Variants in ALDH6A1 observed in about 807,000 individuals in gnomAD.
The protein encoded by ALDH6A1 is aldehyde dehydrogenase 6 family member A1.
A neutral mutation model predicts 62.6 loss-of-function variants in ALDH6A1; 43 were observed. The ratio of observed to expected loss-of-function variants is 0.69; its 90% CI spans 0.54 to 0.89. The LOEUF (loss-of-function observed/expected upper bound fraction) is 0.89. Among genes scored for constraint, ALDH6A1 ranks in the 40% least tolerant of loss-of-function variants. The pLI is 0.00. For synonymous variants in ALDH6A1, 194 were observed against 234.2 expected, an observed-to-expected ratio of 0.83 and a Z score of 1.57; for missense variants, 551 against 661.3, an observed-to-expected ratio of 0.83 and a Z score of 1.83.
Position 74,058,030 on chromosome 14 carries a change from T to A in ALDH6A1, c.*2612A>T. The A allele has an allele frequency of 3.7e-6, 2 of 544,736 alleles. No individual in the cohort carries two copies. Among genetic ancestry groups the A allele is most frequent in the Non-Finnish European group, 4.7e-6 (2 of 426,650 alleles). 33.7% of individuals were successfully genotyped at this position (544,736 alleles called of 1,614,324 possible). ...CCAGCCTATAGTTGTTGGATTGGAT[T>A]AAATATCACTACCAGGGCCAGGTGC... On this transcript the variant is annotated 3_prime_UTR_variant, in exon 12 of 12. Coordinates refer to ENST00000553458, the MANE Select transcript of ALDH6A1 (RefSeq NM_005589.4).
At chr14:74,069,697 G>A (rs555454939) in intron 6 of ALDH6A1, among the ~76,000 whole-genome samples, 4 of 152,066 alleles carry the variant, frequency 2.6e-5, no homozygotes, top group African/African-American at 4.8e-5. Context: ...AGGTTGCAGC[G>A]AGCCGAGATT....
intron 2 of ALDH6A1, among the ~76,000 whole-genome samples, chr14:74,073,006 GC>G (rs1433299560): frequency 6.6e-6 from 1 of 152,186 alleles, no homozygotes; most frequent in Non-Finnish European, 1.5e-5. Flanking sequence ...CACCATGTCG[GC>G]CAGACTGATC....
intron 6 of ALDH6A1, 168 bp downstream of exon 6, chr14:74,071,027 T>C (rs969426917): frequency 1.4e-6 from 1 of 713,222 alleles, no homozygotes; most frequent in African/African-American, 1.7e-5. Context: ...CCCAATCAGT[T>C]ACCTTGGCGC....
chr14:74,074,939 T>A lies in ALDH6A1; in HGVS notation c.111+16A>T, dbSNP rs2060595728. ...ATTCCTTCTCAGAAGTCAACCTCTATGCCAAATAAACTCACCACTGAAGAA... is the reference window on the plus strand; with the variant it reads ...ATTCCTTCTCAGAAGTCAACCTCTAAGCCAAATAAACTCACCACTGAAGAA... On this transcript the variant is annotated intron_variant, in intron 2 of 11. Transcript: ENST00000553458. The A allele has an allele frequency of 1.9e-6, 3 of 1,613,040 alleles. No individual in the cohort carries two copies. The highest frequency in any genetic ancestry group is 2.7e-5 in the African/African-American group (2 of 74,884).
At chr14:74,077,615 C>T (rs1399713458) in intron 1 of ALDH6A1, among the ~76,000 whole-genome samples, 1 of 152,114 alleles carries the variant, frequency 6.6e-6, no homozygotes, top group Non-Finnish European at 1.5e-5. Context: ...GGGAACTAAT[C>T]CAGTCTCAAA....
Position 74,072,618 on chromosome 14 carries a change from AAAAC to A in ALDH6A1, c.112-11_112-8del, listed in dbSNP as rs370924173. 23,714 of 1,606,608 alleles carry A rather than the reference AAAAC, an allele frequency of 0.015. 767 individuals carry two copies. Among genetic ancestry groups the A allele is most frequent in the African/African-American group, 0.13 (9,385 of 74,748 alleles). On this transcript the variant is annotated splice_polypyrimidine_tract_variant and splice_region_variant and intron_variant, in intron 2 of 11. Transcript: ENST00000553458. Reference sequence around the variant, plus strand: ...TGAAGAGCTTTACAGTTGGCTGAAAAAAACAAACAAACAAACAAACAAACAAAAA... The same window carrying A: ...TGAAGAGCTTTACAGTTGGCTGAAAAAAACAAACAAACAAACAAACAAAAA...
In ALDH6A1 at chr14:74,074,143, C is replaced by G. The variant is rs532199116; in HGVS notation, c.111+812G>C. On this transcript the variant is annotated intron_variant, in intron 2 of 11. Coordinates refer to ENST00000553458, the MANE Select transcript of ALDH6A1 (RefSeq NM_005589.4). ...GGGACCATAGGTACGCACCACCACG[C>G]CTGGCTAATTTTTTGTAGAGATGGG... Among the ~76,000 whole-genome samples, 3 of 151,678 alleles carry G rather than the reference C, an allele frequency of 2.0e-5. No individual in the cohort carries two copies. In the East Asian group the frequency reaches 5.9e-4, roughly 30 times the overall value.
At chr14:74,063,450 G>A (rs1595110143) in intron 11 of ALDH6A1, among the ~76,000 whole-genome samples, 1 of 152,040 alleles carries the variant, frequency 6.6e-6, no homozygotes. Context: ...CTCCCAAAGT[G>A]CTGGGATTAC....
rs1264600184 is a variant in ALDH6A1 at position 74,084,417 on chromosome 14, G to A, written c.-23C>T. 1.9e-6 allele frequency: 3 copies of A among 1,611,748 alleles called. No homozygotes were observed. The highest frequency in any genetic ancestry group is 2.5e-6 in the Non-Finnish European group (3 of 1,179,580). ...CATGGCTCTCGGCCGCCCTAGCTCCGCACCCCGCGCCTCTACTGCCCAGAA... is the reference window on the plus strand; with the variant it reads ...CATGGCTCTCGGCCGCCCTAGCTCCACACCCCGCGCCTCTACTGCCCAGAA... On this transcript the variant is annotated 5_prime_UTR_variant, in exon 1 of 12. Coordinates refer to ENST00000553458, the MANE Select transcript of ALDH6A1 (RefSeq NM_005589.4).
At chr14:74,074,294 T>G (rs1041530006) in intron 2 of ALDH6A1, among the ~76,000 whole-genome samples, 2 of 148,900 alleles carry the variant, frequency 1.3e-5, no homozygotes, top group Non-Finnish European at 1.5e-5. Context: ...CTAAATTTTT[T>G]TTTTTTTTTT....
chr14:74,075,592 G>A (rs2060603870), intron 1 of ALDH6A1, among the ~76,000 whole-genome samples: 1 of 152,006 alleles, frequency 6.6e-6, no homozygotes, highest in African/African-American at 2.4e-5. Context: ...GGGAGGGTGA[G>A]GCTGCAGTGA....
At chr14:74,077,345 T>C (rs146483497) in intron 1 of ALDH6A1, among the ~76,000 whole-genome samples, 15 of 152,328 alleles carry the variant, frequency 9.8e-5, no homozygotes, top group African/African-American at 3.4e-4. Context: ...TTGTAATTGT[T>C]TGGTATCTTA....
In ALDH6A1 at chr14:74,075,007, T is replaced by C; in HGVS notation, c.59A>G (p.Lys20Arg). Residue 20 changes from lysine to arginine, a missense_variant, in exon 2 of 12, where the codon AAG (lysine) becomes AGG (arginine). Transcript: ENST00000553458. Reference protein sequence around the residue: ...VRARILQVSSKVKSSPTWYSA... With the variant: ...VRARILQVSSRVKSSPTWYSA... ...ATACCAGGTGGGACTGGATTTCACC[T>C]TGGAAGAAACCTGTGAGGCAAAAGA... The C allele has an allele frequency of 1.2e-6, 2 of 1,614,024 alleles. No individual in the cohort carries two copies. Among genetic ancestry groups the C allele is most frequent in the Non-Finnish European group, 1.7e-6 (2 of 1,179,958 alleles).
rs1040198621 is a variant in ALDH6A1 at position 74,084,416 on chromosome 14, C to T, written c.-22G>A. On this transcript the variant is annotated 5_prime_UTR_variant, in exon 1 of 12. Transcript: ENST00000553458. ...CCATGGCTCTCGGCCGCCCTAGCTC[C>T]GCACCCCGCGCCTCTACTGCCCAGA... is the stretch of plus-strand genomic sequence containing the variant. 6.2e-7 allele frequency: 1 copy of T among 1,611,954 alleles called. No homozygotes were observed. Among genetic ancestry groups the T allele is most frequent in the Non-Finnish European group, 8.5e-7 (1 of 1,179,678 alleles).
chr14:74,070,044 T>C (rs894775409), intron 6 of ALDH6A1, among the ~76,000 whole-genome samples: 1 of 151,816 alleles, frequency 6.6e-6, no homozygotes, highest in Non-Finnish European at 1.5e-5. Context: ...TTTCGCCACA[T>C]GGCCCAGGCT....
In ALDH6A1 at chr14:74,074,957, C is replaced by T. The variant is rs372587812; in HGVS notation, c.109G>A (p.Val37Met). The part of the protein sequence containing the change: ...WYSASSFSSS[V>M]PTVKLFIGGK... ...ACCTCTATGCCAAATAAACTCACCA[C>T]TGAAGAAGAGAAGGAAGATGCTGAA... The change falls in exon 2 of 12, where the codon GTG (valine) becomes ATG (methionine). Residue 37 changes from valine (V) to methionine (M), a missense_variant and splice_region_variant. Val to Met is a conservative substitution (Grantham distance 21). Transcript: ENST00000553458. 5.6e-6 allele frequency: 9 copies of T among 1,614,014 alleles called. No homozygotes were observed. The highest frequency in any genetic ancestry group is 2.2e-5 in the East Asian group (1 of 44,854).
Position 74,066,832 on chromosome 14 carries a change from C to T in ALDH6A1, c.1097G>A (p.Arg366Gln), listed in dbSNP as rs1348441099. ...TCCACTATCAATCAGATTACAGACT[C>T]GCTCTTTGGCCTGGGGAGTGATCAG... ...GPLITPQAKE[R>Q]VCNLIDSGTK... The change falls in exon 9 of 12, where the codon CGA becomes CAA. Residue 366 changes from arginine (R) to glutamine (Q), a missense_variant. Coordinates refer to ENST00000553458, the MANE Select transcript of ALDH6A1 (RefSeq NM_005589.4). 2 of 1,613,948 alleles carry T rather than the reference C, an allele frequency of 1.2e-6. No individual in the cohort carries two copies. The highest frequency in any genetic ancestry group is 1.3e-5 in the African/African-American group (1 of 74,912).
At chr14:74,064,631 A>G in intron 11 of ALDH6A1, 191 bp downstream of exon 11, 2 of 1,571,308 alleles carry the variant, frequency 1.3e-6, no homozygotes, top group South Asian at 1.1e-5. Context: ...GTTGCTTTGA[A>G]TTATTCAGGA....
In ALDH6A1 at chr14:74,056,893, T is replaced by C. The variant is rs1402977033; in HGVS notation, c.*3749A>G. Reference sequence around the variant, plus strand: ...CCTCATTCATTATCTTTGTTGACTTTTACCCACTACAGGAAATACAACCAG... The same window carrying C: ...CCTCATTCATTATCTTTGTTGACTTCTACCCACTACAGGAAATACAACCAG... On this transcript the variant is annotated 3_prime_UTR_variant, in exon 12 of 12. Transcript: ENST00000553458. The C allele has an allele frequency of 6.3e-7, 1 of 1,597,166 alleles. No individual in the cohort carries two copies. The highest frequency in any genetic ancestry group is 2.2e-5 in the East Asian group (1 of 44,778).
Sources: allele counts gnomAD v4.1 joint callset (sites outside exome capture counted in the v4.1 genomes callset), GRCh38; gene constraint gnomAD v4.1.1; transcripts MANE v1.5; gene names NCBI Gene and HGNC (gene_info 2026-07-23, HGNC 2026-07-21).